Variants in RPP30 observed in about 807,000 individuals in gnomAD.
The protein encoded by RPP30 is ribonuclease P protein subunit p30.
In RPP30, 36 loss-of-function variants were observed where a neutral mutation model predicts 38.6. The observed-to-expected ratio is 0.93, with a 90% confidence interval of 0.71 to 1.23. The LOEUF is 1.23. RPP30 is among the 50% of genes most tolerant of loss of function. The pLI is 0.00. For synonymous variants in RPP30, 126 were observed against 112.7 expected (o/e 1.12, Z -0.75); for missense variants, 321 against 321.7 (o/e 1.00, Z 0.02).
Position 90,872,015 on chromosome 10 carries a change from G to C in RPP30, c.29G>C (p.Arg10Pro). The C allele has an allele frequency of 1.2e-6, 2 of 1,614,144 alleles. No homozygotes were observed. Among genetic ancestry groups the C allele is most frequent in the East Asian group, 2.2e-5 (1 of 44,882 alleles). Reference sequence around the variant, plus strand: ...GCGGTGTTTGCAGATTTGGACCTGCGAGCGGGTTCTGACCTGAAGGCTCTG... The same window carrying C: ...GCGGTGTTTGCAGATTTGGACCTGCCAGCGGGTTCTGACCTGAAGGCTCTG... Reference protein sequence around the residue: MAVFADLDLRAGSDLKALRG... With the variant: MAVFADLDLPAGSDLKALRG... Residue 10 changes from arginine (R) to proline (P), a missense_variant, in exon 1 of 11, where the codon CGA becomes CCA. Coordinates refer to ENST00000371703, the MANE Select transcript of RPP30 (RefSeq NM_006413.5).
At chr10:90,891,193 T>A (rs553970832) in intron 6 of RPP30, among the ~76,000 whole-genome samples, 2 of 152,358 alleles carry the variant, frequency 1.3e-5, no homozygotes, top group South Asian at 4.1e-4. Flanking sequence ...TCTTGTTCCC[T>A]CTGAAATCTA....
chr10:90,904,020 T>A (rs535293078), downstream of RPP30, among the ~76,000 whole-genome samples: 1 of 152,304 alleles, frequency 6.6e-6, no homozygotes, highest in East Asian at 1.9e-4. Context: ...TTATAAGTAT[T>A]TTTTGTTTTC....
intron 2 of RPP30, 77 bp from the exon 3 acceptor site, chr10:90,875,481 A>G (rs1846839095): frequency 1.8e-6 from 2 of 1,138,210 alleles, no homozygotes; most frequent in Non-Finnish European, 2.6e-6. Flanking sequence ...TTTTCTGAGA[A>G]CACCTCGTAA....
intron 5 of RPP30, chr10:90,880,279 A>C (rs555884900): frequency 6.6e-6 from 1 of 152,102 alleles, no homozygotes; most frequent in East Asian, 1.9e-4. Context: ...TATCCAGTAG[A>C]TGGAGCTGTT....
chr10:90,895,593 T>A, intron 8 of RPP30, 110 bp downstream of exon 8: 2 of 641,874 alleles, frequency 3.1e-6, no homozygotes. Flanking sequence ...TTTTTTCTAT[T>A]TTAACTGCAT....
At position 90,901,320 on chromosome 10, in the gene RPP30, T is replaced by C. The variant is rs759964157; in HGVS notation, c.*641T>C. 5.6e-5 allele frequency: 55 copies of C among 985,012 alleles called. No homozygotes were observed. Among genetic ancestry groups the C allele is most frequent in the Non-Finnish European group, 6.4e-5 (53 of 829,706 alleles). 61.0% of individuals were successfully genotyped at this position (985,012 alleles called of 1,614,324 possible). On this transcript the variant is annotated 3_prime_UTR_variant, in exon 11 of 11. Coordinates refer to ENST00000371703, the MANE Select transcript of RPP30 (RefSeq NM_006413.5). ...ATTTTAAGAGCTTCTTTCGAAAGTTTCTTGTTCATACTCAAATAGTAGTTA... is the reference window on the plus strand; with the variant it reads ...ATTTTAAGAGCTTCTTTCGAAAGTTCCTTGTTCATACTCAAATAGTAGTTA...
Position 90,894,845 on chromosome 10 carries a change from A to G in RPP30, c.503A>G (p.Tyr168Cys), listed in dbSNP as rs779310913. The G allele has an allele frequency of 9.9e-6, 16 of 1,613,442 alleles. No individual in the cohort carries two copies. Among genetic ancestry groups the G allele is most frequent in the Non-Finnish European group, 1.4e-5 (16 of 1,179,430 alleles). The change falls in exon 7 of 11, where the codon TAT becomes TGT. Residue 168 changes from tyrosine to cysteine, a missense_variant. Physicochemically the swap from Tyr to Cys is radical, Grantham distance 194. Transcript: ENST00000371703. Reference protein sequence around the residue: ...PAIKDSTMRRYTISSALNLMQ... With the variant: ...PAIKDSTMRRCTISSALNLMQ... ...ATCAAAGACTCCACAATGAGAAGGT[A>G]TACAATTTCCAGTGCCCTCAATTTG...
intron 6 of RPP30, among the ~76,000 whole-genome samples, chr10:90,891,769 A>C (rs1847084755): frequency 6.6e-6 from 1 of 152,232 alleles, no homozygotes; most frequent in East Asian, 1.9e-4. Flanking sequence ...TTGTATGAAG[A>C]AACTCTGGAA....
intron 6 of RPP30, among the ~76,000 whole-genome samples, chr10:90,892,329 A>G (rs1847090789): frequency 6.6e-6 from 1 of 152,198 alleles, no homozygotes; most frequent in Non-Finnish European, 1.5e-5. Context: ...TTAAAATAAG[A>G]TGCTATGAAA....
intron 4 of RPP30, among the ~76,000 whole-genome samples, chr10:90,877,113 A>T (rs1362869860): frequency 6.6e-6 from 1 of 152,104 alleles, no homozygotes; most frequent in Non-Finnish European, 1.5e-5. Context: ...GGAGTTCAAG[A>T]CCAGCCTGGT....
chr10:90,891,233 T>G (rs776018544), intron 6 of RPP30, among the ~76,000 whole-genome samples: 2 of 152,200 alleles, frequency 1.3e-5, no homozygotes, highest in Non-Finnish European at 2.9e-5. Flanking sequence ...TCTTTTTAGC[T>G]TTTGGTGATT....
downstream of RPP30, among the ~76,000 whole-genome samples, chr10:90,902,921 A>G (rs893529348): frequency 1.3e-5 from 2 of 152,196 alleles, no homozygotes; most frequent in Non-Finnish European, 2.9e-5. Flanking sequence ...ACCAAAAGTC[A>G]GCTGTGTTTA....
chr10:90,906,550 G>C (rs1488602637), downstream of RPP30, among the ~76,000 whole-genome samples: 1 of 152,214 alleles, frequency 6.6e-6, no homozygotes, highest in Admixed American at 6.5e-5. Flanking sequence ...AAAGAGGAGA[G>C]TGAGTTGATC....
Position 90,895,867 on chromosome 10 carries a change from C to A in RPP30, c.580-13C>A. The A allele has an allele frequency of 6.3e-7, 1 of 1,577,986 alleles. No individual in the cohort carries two copies. Among genetic ancestry groups the A allele is most frequent in the South Asian group, 1.2e-5 (1 of 86,176 alleles). On this transcript the variant is annotated splice_polypyrimidine_tract_variant and intron_variant, in intron 8 of 10. Transcript: ENST00000371703. ...AATTTTCTCATATCTACTCTTTGTTCATTTTATTTCAGCCTTTAGAAATAA... is the reference window on the plus strand; with the variant it reads ...AATTTTCTCATATCTACTCTTTGTTAATTTTATTTCAGCCTTTAGAAATAA...
chr10:90,906,661 G>A (rs1247432941), downstream of RPP30, among the ~76,000 whole-genome samples: 2 of 152,220 alleles, frequency 1.3e-5, no homozygotes, highest in Non-Finnish European at 2.9e-5. Context: ...ATTTGATCCA[G>A]ATGAGAAGTA....
Position 90,901,228 on chromosome 10 carries a change from C to G in RPP30, c.*549C>G, listed in dbSNP as rs1184159416. 5 of 802,578 alleles carry G rather than the reference C, an allele frequency of 6.2e-6. No individual in the cohort carries two copies. The highest frequency in any genetic ancestry group is 7.5e-6 in the Non-Finnish European group (5 of 664,594). The allele number at this position is 802,578 out of a possible 1,614,324, so 49.7% of individuals were successfully genotyped here. On this transcript the variant is annotated 3_prime_UTR_variant, in exon 11 of 11. Transcript: ENST00000371703. ...TCTCAAACTCCTAGGATCAAGCCAT[C>G]CTCCCGCTTTGGCCTCCTAAAGTGC...
chr10:90,902,785 A>C (rs1847218168), downstream of RPP30, among the ~76,000 whole-genome samples: 1 of 152,186 alleles, frequency 6.6e-6, no homozygotes, highest in Non-Finnish European at 1.5e-5. Flanking sequence ...CCGCTTGGCC[A>C]ATTTGATGGA....
chr10:90,879,592 A>G (rs760540588), intron 5 of RPP30, among the ~76,000 whole-genome samples: 8 of 152,226 alleles, frequency 5.3e-5, no homozygotes, highest in Non-Finnish European at 1.2e-4. Flanking sequence ...ATATGCCAGC[A>G]TGATTGTCTC....
chr10:90,884,112 G>C (rs1310705819), intron 5 of RPP30, among the ~76,000 whole-genome samples: 1 of 152,148 alleles, frequency 6.6e-6, no homozygotes, highest in South Asian at 2.1e-4. Context: ...AAGTAAAATT[G>C]AGGGATGTTT....
Sources: gnomAD v4.1 joint callset for allele counts (sites outside exome capture counted in the v4.1 genomes callset) on GRCh38, gnomAD v4.1.1 for gene constraint, MANE v1.5 for transcripts, NCBI Gene and HGNC (gene_info 2026-07-23, HGNC 2026-07-21) for gene names.